Variants in SEPTIN7 observed in about 807,000 individuals in gnomAD.
The protein encoded by SEPTIN7 is septin-7.
A neutral mutation model predicts 63.3 loss-of-function variants in SEPTIN7; 10 were observed. The observed-to-expected ratio is 0.16, with a 90% CI of 0.10 to 0.27. The LOEUF is 0.27. Ranked by LOEUF, SEPTIN7 falls within the 10% of genes least tolerant of loss-of-function variation. The probability of loss-of-function intolerance (pLI) is 1.00; values close to 1 mark genes in which losing one functional copy is unlikely to be tolerated. For synonymous variants in SEPTIN7, 131 were observed against 165.3 expected, an observed-to-expected ratio of 0.79 and a Z score of 1.59; for missense variants, 310 against 521.0, an observed-to-expected ratio of 0.59 and a Z score of 3.94.
chr7:35,876,970 G>C (rs540576932), intron 6 of SEPTIN7, among the ~76,000 whole-genome samples: 3 of 151,082 alleles, frequency 2.0e-5, no homozygotes, highest in African/African-American at 7.3e-5. Flanking sequence ...ACTAAAAAAA[G>C]AAAAAAAAAT....
At chr7:35,828,625 C>A (rs1176412229) in intron 1 of SEPTIN7, among the ~76,000 whole-genome samples, 1 of 152,192 alleles carries the variant, frequency 6.6e-6, no homozygotes, top group Non-Finnish European at 1.5e-5. Context: ...GATCCACCCG[C>A]CTTGGTCTCC....
At position 35,827,130 on chromosome 7, in the gene SEPTIN7, G is replaced by A. The variant is rs566983121; in HGVS notation, c.62-4362G>A. 2.6e-5 allele frequency among the ~76,000 whole-genome samples: 4 copies of A among 152,260 alleles called. No individual in the cohort carries two copies. The East Asian group carries it at 5.8e-4, about 22-fold the overall frequency. On this transcript the variant is annotated intron_variant, in intron 1 of 13. Coordinates refer to ENST00000350320, the MANE Select transcript of SEPTIN7 (RefSeq NM_001788.6). ...ACAGATTTAACATCTAAAAGATTTTGTAAAGCATATCTAGCAGATACGCTT... is the reference window on the plus strand; with the variant it reads ...ACAGATTTAACATCTAAAAGATTTTATAAAGCATATCTAGCAGATACGCTT...
intron 3 of SEPTIN7, 48 bp downstream of exon 3, chr7:35,832,948 AC>A: frequency 1.0e-6 from 1 of 977,386 alleles, no homozygotes; most frequent in Non-Finnish European, 1.7e-6. Flanking sequence ...TAAGTTTTAA[AC>A]GTTAGTCAAC....
chr7:35,829,126 T>C (rs1783677766), intron 1 of SEPTIN7, among the ~76,000 whole-genome samples: 1 of 136,046 alleles, frequency 7.4e-6, no homozygotes, highest in African/African-American at 3.0e-5. Flanking sequence ...TTCATGGACC[T>C]TCTTTTTTTT....
At chr7:35,876,902 G>C (rs562056653) in intron 6 of SEPTIN7, among the ~76,000 whole-genome samples, 2 of 152,178 alleles carry the variant, frequency 1.3e-5, no homozygotes, top group South Asian at 2.1e-4. Context: ...CCGGGAGGCG[G>C]AGATTGCAGT....
At chr7:35,850,704 A>G (rs1170147706) in intron 3 of SEPTIN7, among the ~76,000 whole-genome samples, 2 of 152,132 alleles carry the variant, frequency 1.3e-5, no homozygotes, top group African/African-American at 2.4e-5. Flanking sequence ...GGGGTATCTC[A>G]TTCATGATTT....
At chr7:35,892,360 T>C (rs1240218569) in intron 11 of SEPTIN7, among the ~76,000 whole-genome samples, 1 of 152,172 alleles carries the variant, frequency 6.6e-6, no homozygotes, top group East Asian at 1.9e-4. Flanking sequence ...AAAATGTTTA[T>C]TGAGTAACTT....
At chr7:35,828,132 T>C (rs1271382362) in intron 1 of SEPTIN7, among the ~76,000 whole-genome samples, 1 of 152,184 alleles carries the variant, frequency 6.6e-6, no homozygotes, top group Non-Finnish European at 1.5e-5. Context: ...TACATGCAAA[T>C]AATTGTCTAC....
At chr7:35,901,436 G>A (rs1436569356) in intron 12 of SEPTIN7, 1 of 152,124 alleles carries the variant, frequency 6.6e-6, no homozygotes, top group Non-Finnish European at 1.5e-5. Flanking sequence ...AAAGTAATGT[G>A]TTTGATTATA....
In SEPTIN7 at chr7:35,874,270, C is replaced by T. The variant is rs562081493; in HGVS notation, c.512+495C>T. ...TCTGTTTCACCTTAGCTGTCATAGA[C>T]GTGTTGTTCAGGTATCATATTGTCA... On this transcript the variant is annotated intron_variant, in intron 6 of 13. Coordinates refer to ENST00000350320, the MANE Select transcript of SEPTIN7 (RefSeq NM_001788.6). Among the ~76,000 whole-genome samples, 6 of 152,214 alleles carry T rather than the reference C, an allele frequency of 3.9e-5. No homozygotes were observed. The South Asian group carries it at 1.2e-3, about 32-fold the overall frequency.
intron 4 of SEPTIN7, among the ~76,000 whole-genome samples, chr7:35,867,312 C>T (rs1180421959): frequency 6.6e-6 from 1 of 151,922 alleles, no homozygotes; most frequent in Admixed American, 6.6e-5. Flanking sequence ...TAACAGTTAA[C>T]CGTTATTTTA....
At chr7:35,842,020 C>T (rs1784431651) in intron 3 of SEPTIN7, among the ~76,000 whole-genome samples, 1 of 152,144 alleles carries the variant, frequency 6.6e-6, no homozygotes, top group Non-Finnish European at 1.5e-5. Flanking sequence ...TGACTACAGT[C>T]TAGCACCAAA....
At position 35,833,008 on chromosome 7, in the gene SEPTIN7, A is replaced by G. The variant is rs375654586; in HGVS notation, c.169+108A>G. On this transcript the variant is annotated intron_variant, in intron 3 of 13. Coordinates refer to ENST00000350320, the MANE Select transcript of SEPTIN7 (RefSeq NM_001788.6). The stretch of plus-strand genomic sequence containing the variant: ...TGGCACAGATATCTACAGTGATCAT[A>G]TCTTTGTTGTATTTTCTCTTATGTG... 3.6e-5 allele frequency: 24 copies of G among 675,224 alleles called. No individual in the cohort carries two copies. The East Asian group carries it at 5.4e-4, about 15-fold the overall frequency. The allele number at this position is 675,224 out of a possible 1,614,324, so 41.8% of individuals were successfully genotyped here. A position where few individuals can be genotyped will look rare whatever the true frequency, so the allele number is the denominator to read the frequency against.
At chr7:35,878,040 A>G (rs1786580430) in intron 6 of SEPTIN7, among the ~76,000 whole-genome samples, 1 of 152,188 alleles carries the variant, frequency 6.6e-6, no homozygotes, top group Non-Finnish European at 1.5e-5. Flanking sequence ...GAATGGTTGT[A>G]TGGTTTCTAT....
At chr7:35,891,751 CAAT>C (rs989639287) in intron 11 of SEPTIN7, among the ~76,000 whole-genome samples, 2 of 152,096 alleles carry the variant, frequency 1.3e-5, no homozygotes, top group African/African-American at 4.8e-5. Context: ...AATTTCTCTT[CAAT>C]AATCTTACTT....
At chr7:35,828,953 T>A (rs967666387) in intron 1 of SEPTIN7, among the ~76,000 whole-genome samples, 1 of 151,960 alleles carries the variant, frequency 6.6e-6, no homozygotes, top group African/African-American at 2.4e-5. Context: ...AGTAATCAGG[T>A]CACTTGCCTA....
chr7:35,913,853 G>A, the SEPTIN7 span, among the ~76,000 whole-genome samples: 6 of 152,178 alleles, frequency 3.9e-5, no homozygotes, highest in Non-Finnish European at 8.8e-5. Context: ...GCCTCCCAGA[G>A]TGCTGGGATT....
intron 12 of SEPTIN7, 22 bp downstream of exon 12, chr7:35,898,405 C>T: frequency 6.8e-7 from 1 of 1,467,516 alleles, no homozygotes; most frequent in Non-Finnish European, 9.3e-7. Context: ...AATATCCCAT[C>T]TCTTAGCAGA....
At chr7:35,823,873 G>A (rs1031092175) in intron 1 of SEPTIN7, among the ~76,000 whole-genome samples, 2 of 151,212 alleles carry the variant, frequency 1.3e-5, no homozygotes, top group Non-Finnish European at 2.9e-5. Context: ...TTTTTTTTGG[G>A]ATTTTCAAGT....
Sources: allele counts gnomAD v4.1 joint callset (sites outside exome capture counted in the v4.1 genomes callset), GRCh38; gene constraint gnomAD v4.1.1; transcripts MANE v1.5; gene names NCBI Gene and HGNC (gene_info 2026-07-23, HGNC 2026-07-21).